Variants in ALCAM observed in about 807,000 individuals in gnomAD.
ALCAM encodes CD166 antigen.
Under a neutral mutation model 70.9 loss-of-function variants are expected in ALCAM, and 30 were observed. That is an observed-to-expected ratio of 0.42 (90% CI 0.32 to 0.57). ALCAM has a LOEUF of 0.57. ALCAM is among the 20% of genes least tolerant of loss of function. ALCAM has a pLI of 0.11. For missense variants in ALCAM, 591 were observed against 695.1 expected (o/e 0.85, Z 1.68); for synonymous variants, 249 against 242.5 (o/e 1.03, Z -0.25).
rs142405911 is a variant in ALCAM at position 105,414,894 on chromosome 3, A to G, written c.73+47413A>G. On this transcript the variant is annotated intron_variant, in intron 1 of 15. Transcript: ENST00000306107. The stretch of plus-strand genomic sequence containing the variant: ...GATAACCCTGATGCCATTGTTTAAG[A>G]TATGTCTGCAGAGAGTGAGTTTAAA... Among the ~76,000 whole-genome samples, 23 of 152,254 alleles carry G rather than the reference A, an allele frequency of 1.5e-4. 1 individual carries two copies. The East Asian group carries it at 4.5e-3, about 30-fold the overall frequency.
intron 1 of ALCAM, among the ~76,000 whole-genome samples, chr3:105,387,523 A>G (rs1935690545): frequency 6.6e-6 from 1 of 151,682 alleles, no homozygotes; most frequent in Non-Finnish European, 1.5e-5. Context: ...CAATACAATA[A>G]GAAAGAATTT....
chr3:105,382,284 G>T (rs549221765), intron 1 of ALCAM, among the ~76,000 whole-genome samples: 31 of 151,980 alleles, frequency 2.0e-4, no homozygotes, highest in African/African-American at 7.0e-4. Context: ...ATTTTTTATG[G>T]CTGCATAGTA....
intron 1 of ALCAM, among the ~76,000 whole-genome samples, chr3:105,420,353 A>T (rs75261438): frequency 6.6e-6 from 1 of 151,684 alleles, no homozygotes; most frequent in African/African-American, 2.4e-5. Flanking sequence ...ACACATTTCA[A>T]TGTTTTTCTT....
At chr3:105,399,357 C>T (rs926479863) in intron 1 of ALCAM, among the ~76,000 whole-genome samples, 1 of 152,038 alleles carries the variant, frequency 6.6e-6, no homozygotes, top group Non-Finnish European at 1.5e-5. Flanking sequence ...TTACAATACT[C>T]ATCTTTCCTT....
intron 3 of ALCAM, chr3:105,524,839 A>AC (rs1203281928): frequency 9.4e-7 from 1 of 1,059,650 alleles, no homozygotes; most frequent in Admixed American, 4.8e-5. Flanking sequence ...GTTGTGTGAT[A>AC]CATACATAGA....
At chr3:105,378,682 T>C (rs1935439302) in intron 1 of ALCAM, among the ~76,000 whole-genome samples, 1 of 151,582 alleles carries the variant, frequency 6.6e-6, no homozygotes, top group Non-Finnish European at 1.5e-5. Flanking sequence ...AAATAGCTTC[T>C]CTGATCATAC....
chr3:105,500,750 G>A (rs1251515775), intron 1 of ALCAM, among the ~76,000 whole-genome samples: 3 of 152,250 alleles, frequency 2.0e-5, no homozygotes, highest in Middle Eastern at 6.8e-3. Context: ...TTAGTTACAG[G>A]ATGAGTGACT....
chr3:105,402,453 T>C (rs948337449), intron 1 of ALCAM, among the ~76,000 whole-genome samples: 1 of 152,160 alleles, frequency 6.6e-6, no homozygotes, highest in Admixed American at 6.5e-5. Context: ...TGAGTCAGCT[T>C]GCTTTCTCAA....
At chr3:105,467,848 G>A (rs9870921) in intron 1 of ALCAM, among the ~76,000 whole-genome samples, 88,548 of 150,868 alleles carry the variant, frequency 0.59, 26,555 homozygotes, top group East Asian at 0.89. Flanking sequence ...ATGTAATACT[G>A]TACATTTTTA....
At chr3:105,375,701 A>G (rs1305441898) in intron 1 of ALCAM, among the ~76,000 whole-genome samples, 1 of 152,160 alleles carries the variant, frequency 6.6e-6, no homozygotes, top group African/African-American at 2.4e-5. Context: ...CAAATTGTAC[A>G]ACTCCCATTC....
intron 1 of ALCAM, among the ~76,000 whole-genome samples, chr3:105,505,283 G>C (rs1939039997): frequency 6.6e-6 from 1 of 152,218 alleles, no homozygotes; most frequent in African/African-American, 2.4e-5. Flanking sequence ...AGCTGAGGAG[G>C]CCTCAGGAAA....
chr3:105,524,923 A>G (rs889276929), intron 3 of ALCAM: 1 of 986,228 alleles, frequency 1.0e-6, no homozygotes, highest in Admixed American at 6.1e-5. Flanking sequence ...TGAAATTGCC[A>G]TTTTGCTGCA....
chr3:105,369,339 C>T (rs991498871), intron 1 of ALCAM, among the ~76,000 whole-genome samples: 1 of 152,154 alleles, frequency 6.6e-6, no homozygotes, highest in African/African-American at 2.4e-5. Context: ...TCTTTTGGCG[C>T]CACAGGCTCG....
chr3:105,368,865 A>G (rs1006009296), intron 1 of ALCAM, among the ~76,000 whole-genome samples: 2 of 152,136 alleles, frequency 1.3e-5, no homozygotes, highest in East Asian at 1.9e-4. Context: ...GGGAAAAAAA[A>G]GGCGTCTGCG....
chr3:105,421,177 G>C (rs993381428), intron 1 of ALCAM, among the ~76,000 whole-genome samples: 1 of 151,314 alleles, frequency 6.6e-6, no homozygotes, highest in East Asian at 1.9e-4. Context: ...TTGTAGAGAT[G>C]AACAAATAGG....
intron 1 of ALCAM, among the ~76,000 whole-genome samples, chr3:105,485,107 G>A (rs1277194443): frequency 1.3e-5 from 2 of 152,010 alleles, no homozygotes; most frequent in Non-Finnish European, 2.9e-5. Flanking sequence ...ACTACACTAT[G>A]CTTTACATAA....
At chr3:105,510,662 T>G (rs1939212773) in intron 1 of ALCAM, among the ~76,000 whole-genome samples, 1 of 152,070 alleles carries the variant, frequency 6.6e-6, no homozygotes, top group Non-Finnish European at 1.5e-5. Flanking sequence ...GAAGAGGGGT[T>G]CATGTCAGGG....
At chr3:105,481,265 A>G (rs2152607501) in intron 1 of ALCAM, among the ~76,000 whole-genome samples, 1 of 152,162 alleles carries the variant, frequency 6.6e-6, no homozygotes. Flanking sequence ...TGTTTTCCCA[A>G]ACCAAAAACT....
At chr3:105,448,951 T>G (rs552479959) in intron 1 of ALCAM, among the ~76,000 whole-genome samples, 1 of 152,162 alleles carries the variant, frequency 6.6e-6, no homozygotes, top group Non-Finnish European at 1.5e-5. Flanking sequence ...TGAGTATAAA[T>G]GAACTGCTTT....
Sources: gnomAD v4.1 joint callset for allele counts (sites outside exome capture counted in the v4.1 genomes callset) on GRCh38, gnomAD v4.1.1 for gene constraint, MANE v1.5 for transcripts, NCBI Gene and HGNC (gene_info 2026-07-23, HGNC 2026-07-21) for gene names.